Variants in FMN1 observed in about 807,000 individuals in gnomAD.
FMN1 encodes formin-1.
A neutral mutation model predicts 132.4 loss-of-function variants in FMN1; 110 were observed. The ratio of observed to expected loss-of-function variants is 0.83; its 90% CI spans 0.71 to 0.97. FMN1 has a LOEUF of 0.97. FMN1 is among the 50% of genes least tolerant of loss of function. The pLI, the probability that FMN1 is intolerant of heterozygous loss-of-function variation, is 0.00. For missense variants in FMN1, 1,792 were observed against 1,705.3 expected, an observed-to-expected ratio of 1.05 and a Z score of -0.90; for synonymous variants, 722 against 651.7, an observed-to-expected ratio of 1.11 and a Z score of -1.64.
intron 4 of FMN1, among the ~76,000 whole-genome samples, chr15:33,117,209 G>C (rs2039961808): frequency 6.6e-6 from 1 of 152,180 alleles, no homozygotes; most frequent in South Asian, 2.1e-4. Flanking sequence ...CCAAAAGAGA[G>C]AGAGAGAAAA....
At chr15:33,187,945 C>A (rs1181602847) in intron 2 of FMN1, among the ~76,000 whole-genome samples, 1 of 152,224 alleles carries the variant, frequency 6.6e-6, no homozygotes, top group African/African-American at 2.4e-5. Context: ...TTGAGTAGTT[C>A]TGCTTCCTTG....
intron 5 of FMN1, chr15:33,066,595 C>T (rs1595391362): frequency 6.2e-7 from 1 of 1,613,600 alleles, no homozygotes; most frequent in Non-Finnish European, 8.5e-7. Flanking sequence ...CATGTCTCAT[C>T]TTGCGCTTGA....
chr15:33,021,569 TG>T (rs1352487702), intron 6 of FMN1, among the ~76,000 whole-genome samples: 53 of 152,312 alleles, frequency 3.5e-4, no homozygotes, highest in Non-Finnish European at 1.5e-5. Context: ...CTTTATGTTC[TG>T]GGATGATGAT....
intron 17 of FMN1, among the ~76,000 whole-genome samples, chr15:32,807,668 T>C (rs781021370): frequency 2.0e-5 from 3 of 152,160 alleles, no homozygotes; most frequent in East Asian, 1.9e-4. Context: ...TCAAACTGAA[T>C]TGAGCATCAG....
At chr15:32,809,360 A>G (rs1309864247) in intron 17 of FMN1, among the ~76,000 whole-genome samples, 1 of 152,148 alleles carries the variant, frequency 6.6e-6, no homozygotes, top group Non-Finnish European at 1.5e-5. Flanking sequence ...GTTGCCACCA[A>G]AACTGCCATT....
chr15:32,790,813 T>C (rs187524199), intron 19 of FMN1, among the ~76,000 whole-genome samples: 149 of 152,248 alleles, frequency 9.8e-4, no homozygotes, highest in Non-Finnish European at 1.8e-3. Flanking sequence ...GAATGCACCA[T>C]ACAAGACACA....
chr15:32,846,255 T>A (rs751643359), intron 17 of FMN1, among the ~76,000 whole-genome samples: 3 of 152,184 alleles, frequency 2.0e-5, no homozygotes, highest in Non-Finnish European at 4.4e-5. Flanking sequence ...CTAAACAGCT[T>A]CTGCACAACA....
intron 2 of FMN1, among the ~76,000 whole-genome samples, chr15:33,184,024 C>T (rs1350705618): frequency 1.3e-5 from 2 of 152,020 alleles, no homozygotes; most frequent in African/African-American, 4.8e-5. Flanking sequence ...ATAAGGTAAA[C>T]TTATTGGTTT....
chr15:33,106,274 C>CCACACA (rs10538020), intron 4 of FMN1: 19 of 149,372 alleles, frequency 1.3e-4, no homozygotes, highest in African/African-American at 4.4e-4. Flanking sequence ...TAACCAGAAT[C>CCACACA]CACACACACA....
intron 4 of FMN1, among the ~76,000 whole-genome samples, chr15:33,124,814 T>C (rs1018245526): frequency 4.6e-5 from 7 of 151,484 alleles, no homozygotes; most frequent in African/African-American, 1.7e-4. Flanking sequence ...ATCAATTCAA[T>C]ACTAGATGAA....
At chr15:33,007,083 T>G (rs1209467334) in intron 7 of FMN1, among the ~76,000 whole-genome samples, 1 of 152,196 alleles carries the variant, frequency 6.6e-6, no homozygotes, top group African/African-American at 2.4e-5. Context: ...ATGATAAATA[T>G]GTGAGGCAAT....
In FMN1 at chr15:32,793,897, T is replaced by C. The variant is rs144799931; in HGVS notation, c.4130+4907A>G. Among the ~76,000 whole-genome samples, 36 of 152,298 alleles carry C rather than the reference T, an allele frequency of 2.4e-4. 1 individual carries two copies. Among genetic ancestry groups the C allele is most frequent in the African/African-American group, 8.7e-4 (36 of 41,570 alleles). On this transcript the variant is annotated intron_variant, in intron 19 of 20. Coordinates refer to ENST00000616417, the MANE Select transcript of FMN1 (RefSeq NM_001277313.2). Reference sequence around the variant, plus strand: ...AATAACAATTTTATTTATGGAGCTTTTTCTAGGAGTAAGTTTATCATGTAA... The same window carrying C: ...AATAACAATTTTATTTATGGAGCTTCTTCTAGGAGTAAGTTTATCATGTAA...
At chr15:32,804,976 T>C (rs1595959167) in intron 17 of FMN1, among the ~76,000 whole-genome samples, 1 of 152,360 alleles carries the variant, frequency 6.6e-6, no homozygotes, top group East Asian at 1.9e-4. Flanking sequence ...AATATACATG[T>C]GCATATATCT....
intron 6 of FMN1, among the ~76,000 whole-genome samples, chr15:33,061,179 A>G (rs1157264730): frequency 3.9e-5 from 6 of 152,186 alleles, no homozygotes; most frequent in Non-Finnish European, 4.4e-5. Context: ...AATATGAAGA[A>G]TCACTAACCA....
intron 16 of FMN1, among the ~76,000 whole-genome samples, chr15:32,863,310 A>G (rs1044397886): frequency 3.9e-5 from 6 of 152,256 alleles, no homozygotes; most frequent in Admixed American, 6.5e-5. Flanking sequence ...GGTGGCGGGC[A>G]CCTGTAGTCC....
At chr15:32,851,294 A>G (rs2059003536) in intron 17 of FMN1, among the ~76,000 whole-genome samples, 1 of 152,206 alleles carries the variant, frequency 6.6e-6, no homozygotes, top group African/African-American at 2.4e-5. Flanking sequence ...TGCCAAAGCT[A>G]TAAATACAAA....
At chr15:33,020,982 T>TA (rs2035388593) in intron 6 of FMN1, among the ~76,000 whole-genome samples, 1 of 152,250 alleles carries the variant, frequency 6.6e-6, no homozygotes, top group South Asian at 2.1e-4. Flanking sequence ...CCTATGGCTT[T>TA]AAGCCTTGGC....
chr15:33,073,399 A>C (rs2038073859), intron 5 of FMN1, among the ~76,000 whole-genome samples: 1 of 152,214 alleles, frequency 6.6e-6, no homozygotes, highest in Non-Finnish European at 1.5e-5. Flanking sequence ...AAACTTAGTA[A>C]GGGTAAATAA....
intron 17 of FMN1, among the ~76,000 whole-genome samples, chr15:32,831,458 G>A (rs1414801017): frequency 6.6e-6 from 1 of 152,068 alleles, no homozygotes; most frequent in Non-Finnish European, 1.5e-5. Flanking sequence ...AGTTTTGAAG[G>A]GTATTTGCTG....
Sources: allele counts gnomAD v4.1 joint callset (sites outside exome capture counted in the v4.1 genomes callset), GRCh38; gene constraint gnomAD v4.1.1; transcripts MANE v1.5; gene names NCBI Gene and HGNC (gene_info 2026-07-23, HGNC 2026-07-21).